EPHA5: variants seen among roughly 807,000 people sequenced by gnomAD.
EPHA5 encodes the protein EPH receptor A5.
In EPHA5, 60 loss-of-function variants were observed where a neutral mutation model predicts 105.0. The observed-to-expected ratio is 0.57, with a 90% CI of 0.46 to 0.71. The LOEUF (loss-of-function observed/expected upper bound fraction) is 0.71. Among genes scored for constraint, EPHA5 ranks in the 30% least tolerant of loss-of-function variants. EPHA5 has a pLI of 0.00. For missense variants in EPHA5, 1,218 were observed against 1,274.7 expected, an observed-to-expected ratio of 0.96 and a Z score of 0.68; for synonymous variants, 513 against 449.1, an observed-to-expected ratio of 1.14 and a Z score of -1.80.
chr4:65,669,813 G>A lies in EPHA5; in HGVS notation c.-71C>T, dbSNP rs1750310630. On this transcript the variant is annotated 5_prime_UTR_variant, in exon 1 of 17. Coordinates refer to ENST00000613740, the MANE Select transcript of EPHA5 (RefSeq NM_001281766.3). The stretch of plus-strand genomic sequence containing the variant: ...CACCGCTTCGGCCTCGCAGAGCGGC[G>A]AAGGGAGACTCGGGAGTCCTCCTTG... 3 of 1,233,948 alleles carry A rather than the reference G, an allele frequency of 2.4e-6. No homozygotes were observed. Among genetic ancestry groups the A allele is most frequent in the Non-Finnish European group, 3.0e-6 (3 of 989,166 alleles). The allele number at this position is 1,233,948 out of a possible 1,614,324, so 76.4% of individuals were successfully genotyped here.
At chr4:65,447,013 G>A (rs1399722338) in intron 5 of EPHA5, among the ~76,000 whole-genome samples, 1 of 138,622 alleles carries the variant, frequency 7.2e-6, no homozygotes, top group South Asian at 2.2e-4. Context: ...TTGAGACAGG[G>A]TCTTGTTCTG....
intron 3 of EPHA5, among the ~76,000 whole-genome samples, chr4:65,513,881 T>C (rs187580328): frequency 9.8e-5 from 15 of 152,320 alleles, no homozygotes; most frequent in Non-Finnish European, 1.2e-4. Context: ...CCCTTACCTA[T>C]TGAATCTTCC....
chr4:65,576,790 A>G (rs1250227574), intron 3 of EPHA5, among the ~76,000 whole-genome samples: 2 of 152,184 alleles, frequency 1.3e-5, no homozygotes, highest in Non-Finnish European at 2.9e-5. Context: ...TCATCTGGGA[A>G]ATCTCTCACC....
At chr4:65,468,135 C>T (rs1728897255) in intron 5 of EPHA5, among the ~76,000 whole-genome samples, 2 of 152,016 alleles carry the variant, frequency 1.3e-5, no homozygotes, top group South Asian at 4.2e-4. Flanking sequence ...TTACAGCAGC[C>T]ATAGGGAATA....
chr4:65,360,550 A>T (rs991252980), intron 11 of EPHA5, among the ~76,000 whole-genome samples: 11 of 151,704 alleles, frequency 7.3e-5, no homozygotes, highest in Non-Finnish European at 1.2e-4. Flanking sequence ...AAATGAAAAC[A>T]AATACTAATG....
intron 5 of EPHA5, among the ~76,000 whole-genome samples, chr4:65,479,558 C>T (rs1157622835): frequency 6.6e-6 from 1 of 152,048 alleles, no homozygotes; most frequent in African/African-American, 2.4e-5. Context: ...GTTTTTGTTT[C>T]CCTTCTCATA....
chr4:65,502,492 T>C (rs1220062183), intron 3 of EPHA5, among the ~76,000 whole-genome samples: 1 of 150,400 alleles, frequency 6.6e-6, no homozygotes, highest in Non-Finnish European at 1.5e-5. Flanking sequence ...TCAACAAACA[T>C]GAAAAAAATG....
rs1310597873 is a variant in EPHA5 at position 65,367,493 on chromosome 4, A to AT, written c.1794-70dup. ...AATCAGTCACATCAAGCCCAGAAGC[A>AT]TGAAGCACAACTGAAATTATTGCAA... On this transcript the variant is annotated intron_variant, in intron 8 of 16. Transcript: ENST00000613740. The AT allele has an allele frequency of 7.0e-5, 100 of 1,424,030 alleles. No homozygotes were observed. In the African/African-American group the frequency reaches 1.1e-3, roughly 15 times the overall value. The allele number at this position is 1,424,030 out of a possible 1,614,324, so 88.2% of individuals were successfully genotyped here.
rs1190066957 is a variant in EPHA5, at chr4:65,541,801, G to GT, written c.911-46259dup. Among the ~76,000 whole-genome samples, 12 of 152,058 alleles carry GT rather than the reference G, an allele frequency of 7.9e-5. No homozygotes were observed. The East Asian group carries it at 2.3e-3, about 29-fold the overall frequency. ...AGCAACAGAATATACATTCTTCTCA[G>GT]TGCCACATGGCACTTATTTTAAAAT... is the stretch of plus-strand genomic sequence containing the variant. On this transcript the variant is annotated intron_variant, in intron 3 of 16. Coordinates refer to ENST00000613740, the MANE Select transcript of EPHA5 (RefSeq NM_001281766.3).
intron 1 of EPHA5, among the ~76,000 whole-genome samples, chr4:65,645,862 G>T (rs76007820): frequency 0.034 from 5,218 of 152,070 alleles, 289 homozygotes; most frequent in African/African-American, 0.12. Context: ...GCCTAAAATT[G>T]TGGTCCTTCT....
chr4:65,465,519 GAAA>G (rs1728583942), intron 5 of EPHA5, among the ~76,000 whole-genome samples: 1 of 86,976 alleles, frequency 1.1e-5, no homozygotes, highest in African/African-American at 4.2e-5. Flanking sequence ...AAGAAAGAAA[GAAA>G]GAAAGAAAAG....
At position 65,490,841 on chromosome 4, in the gene EPHA5, GT is replaced by G. The variant is rs1427876035; in HGVS notation, c.1067-130del. On this transcript the variant is annotated intron_variant, in intron 4 of 16. Transcript: ENST00000613740. The stretch of plus-strand genomic sequence containing the variant: ...TAAGTCCTTTAAGTCATAATTTGTA[GT>G]TTTGTTTTCATAATTTTGTAGGGAC... 51 of 1,024,162 alleles carry G rather than the reference GT, an allele frequency of 5.0e-5. 2 individuals carry two copies. The East Asian group carries it at 8.1e-4, about 16-fold the overall frequency. The allele number at this position is 1,024,162 out of a possible 1,614,324, so 63.4% of individuals were successfully genotyped here.
At chr4:65,417,779 A>G (rs906045630) in intron 6 of EPHA5, among the ~76,000 whole-genome samples, 4 of 152,148 alleles carry the variant, frequency 2.6e-5, no homozygotes, top group Non-Finnish European at 4.4e-5. Context: ...AATATTTAAT[A>G]GAAACTCCTC....
chr4:65,466,223 C>T (rs1325687377), intron 5 of EPHA5, among the ~76,000 whole-genome samples: 1 of 152,096 alleles, frequency 6.6e-6, no homozygotes, highest in Non-Finnish European at 1.5e-5. Flanking sequence ...AACAATAATG[C>T]CAAAGTTGGG....
At chr4:65,609,536 T>C (rs1208016188) in intron 2 of EPHA5, among the ~76,000 whole-genome samples, 1 of 152,078 alleles carries the variant, frequency 6.6e-6, no homozygotes, top group Non-Finnish European at 1.5e-5. Context: ...AGGTTAATAT[T>C]AATCTTTTTG....
chr4:65,567,377 T>C (rs1368519405), intron 3 of EPHA5, among the ~76,000 whole-genome samples: 1 of 151,582 alleles, frequency 6.6e-6, no homozygotes, highest in African/African-American at 2.4e-5. Flanking sequence ...ACAATCCTCA[T>C]CATTACAAAA....
At chr4:65,425,368 A>G (rs543340993) in intron 5 of EPHA5, among the ~76,000 whole-genome samples, 2 of 152,066 alleles carry the variant, frequency 1.3e-5, no homozygotes, top group Admixed American at 6.6e-5. Context: ...ACACTTTATC[A>G]TATTAAGGTA....
intron 2 of EPHA5, among the ~76,000 whole-genome samples, chr4:65,624,373 T>C (rs559963328): frequency 6.6e-6 from 1 of 152,296 alleles, no homozygotes; most frequent in East Asian, 1.9e-4. Context: ...ATATTAGCCA[T>C]TCACAAATTC....
At position 65,353,070 on chromosome 4, in the gene EPHA5, T is replaced by TCAG; in HGVS notation, c.2206_2207insCTG (p.Met735_Glu736insAla). 6.4e-7 allele frequency: 1 copy of TCAG among 1,566,956 alleles called. No homozygotes were observed. Among genetic ancestry groups the TCAG allele is most frequent in the Non-Finnish European group, 8.6e-7 (1 of 1,158,530 alleles). ...CAAAAATGTATCTAAAGAGCCATTC[T>TCAG]CCATATACTCTGTCACGATCATCAC... On this transcript the variant is annotated inframe_insertion, in exon 12 of 17. Transcript: ENST00000613740.
Sources: gnomAD v4.1 joint callset for allele counts (sites outside exome capture counted in the v4.1 genomes callset) on GRCh38, gnomAD v4.1.1 for gene constraint, MANE v1.5 for transcripts, NCBI Gene and HGNC (gene_info 2026-07-23, HGNC 2026-07-21) for gene names.